Variants in KIN observed in about 807,000 individuals in gnomAD.
KIN encodes DNA/RNA-binding protein KIN17.
KIN carries 47 observed loss-of-function variants against 63.0 expected under a neutral mutation model. The observed-to-expected ratio is 0.75, with a 90% CI of 0.59 to 0.95. The LOEUF is 0.95. KIN is among the 40% of genes least tolerant of loss of function. The pLI is 0.00. For synonymous variants in KIN, 160 were observed against 157.7 expected (o/e 1.01, Z -0.11); for missense variants, 408 against 460.9 (o/e 0.89, Z 1.05).
At chr10:7,782,492 C>T (rs147812229) in intron 2 of KIN, among the ~76,000 whole-genome samples, 1 of 151,680 alleles carries the variant, frequency 6.6e-6, no homozygotes, top group South Asian at 2.1e-4. Flanking sequence ...TCTGCCTCCC[C>T]GGTTCAAGCA....
At chr10:7,781,750 CAAAA>C (rs34969604) in intron 2 of KIN, among the ~76,000 whole-genome samples, 2 of 67,996 alleles carry the variant, frequency 2.9e-5, no homozygotes, top group Non-Finnish European at 5.6e-5. Context: ...AAGACCCTGT[CAAAA>C]AAAAAAAAAA....
Position 7,758,258 on chromosome 10 carries a change from T to C in KIN, c.1119+1632A>G, listed in dbSNP as rs545881111. 1.7e-3 allele frequency among the ~76,000 whole-genome samples: 255 copies of C among 152,204 alleles called. 1 individual carries two copies. Among genetic ancestry groups the C allele is most frequent in the African/African-American group, 5.9e-3 (245 of 41,528 alleles). ...CTAATTTTTGTATTTTTAGTGGAGA[T>C]GGGGTTTCTCCATGTTGGCCGGGCT... On this transcript the variant is annotated intron_variant, in intron 12 of 12. Transcript: ENST00000379562.
At chr10:7,767,453 C>T (rs1482863456) in intron 8 of KIN, among the ~76,000 whole-genome samples, 1 of 152,180 alleles carries the variant, frequency 6.6e-6, no homozygotes, top group Non-Finnish European at 1.5e-5. Context: ...CGGGGGCTTG[C>T]ACAATGTGCA....
intron 10 of KIN, 143 bp downstream of exon 10, chr10:7,763,580 C>T: frequency 1.6e-6 from 1 of 610,740 alleles, no homozygotes; most frequent in Non-Finnish European, 2.9e-6. Flanking sequence ...ATCATGAATT[C>T]AGCTTCCATT....
Position 7,780,311 on chromosome 10 carries a change from A to G in KIN, c.210-4T>C. ...TAGAAAGTCATTTCGGAATTCCCTA[A>G]TAAAGAAAGAAAGGAAAGCATTAAG... On this transcript the variant is annotated splice_region_variant and splice_polypyrimidine_tract_variant and intron_variant, in intron 2 of 12. Transcript: ENST00000379562. 1 of 1,600,324 alleles carries G rather than the reference A, an allele frequency of 6.2e-7. No homozygotes were observed.
intron 7 of KIN, among the ~76,000 whole-genome samples, chr10:7,769,828 G>A (rs936234978): frequency 3.9e-5 from 6 of 152,144 alleles, no homozygotes; most frequent in East Asian, 3.8e-4. Context: ...TCAAATGACC[G>A]GTTTAAGTCT....
chr10:7,763,943 A>C, intron 9 of KIN, 152 bp from the exon 10 acceptor site: 1 of 517,860 alleles, frequency 1.9e-6, no homozygotes, highest in Non-Finnish European at 3.4e-6. Context: ...CTTCCCAACA[A>C]TGACAAACAT....
In KIN at chr10:7,751,634, T is replaced by C. The variant is rs373401219; in HGVS notation, c.*4446A>G. ...CTTAGTTTTCTTCTTCTATAAGAAG[T>C]GCTCACCTATGATACCCTTTTGAAA... is the stretch of plus-strand genomic sequence containing the variant. On this transcript the variant is annotated 3_prime_UTR_variant, in exon 13 of 13. Coordinates refer to ENST00000379562, the MANE Select transcript of KIN (RefSeq NM_012311.4). 1.9e-4 allele frequency: 29 copies of C among 152,326 alleles called. No individual in the cohort carries two copies. Among genetic ancestry groups the C allele is most frequent in the African/African-American group, 6.0e-4 (25 of 41,574 alleles). 9.4% of individuals were successfully genotyped at this position (152,326 alleles called of 1,614,324 possible).
intron 7 of KIN, among the ~76,000 whole-genome samples, chr10:7,770,764 GA>G (rs1835650957): frequency 1.3e-5 from 2 of 151,952 alleles, no homozygotes; most frequent in African/African-American, 4.8e-5. Flanking sequence ...AGCTAACCAA[GA>G]AAAAAATATA....
At position 7,756,034 on chromosome 10, in the gene KIN, A is replaced by G. The variant is rs763277803; in HGVS notation, c.*46T>C. On this transcript the variant is annotated 3_prime_UTR_variant, in exon 13 of 13. Coordinates refer to ENST00000379562, the MANE Select transcript of KIN (RefSeq NM_012311.4). ...TCTCATAATGCCTTGGCGAACACCA[A>G]TTTGATGCTTTAAGATTTTAATGTA... 4 of 1,196,420 alleles carry G rather than the reference A, an allele frequency of 3.3e-6. No individual in the cohort carries two copies. Among genetic ancestry groups the G allele is most frequent in the Non-Finnish European group, 3.7e-6 (3 of 820,026 alleles). The allele number at this position is 1,196,420 out of a possible 1,614,324, so 74.1% of individuals were successfully genotyped here.
chr10:7,781,119 TGAA>T lies in KIN; in HGVS notation c.210-815_210-813del, dbSNP rs574284152. Among the ~76,000 whole-genome samples, 7 of 152,244 alleles carry T rather than the reference TGAA, an allele frequency of 4.6e-5. No homozygotes were observed. The South Asian group carries it at 1.2e-3, about 27-fold the overall frequency. On this transcript the variant is annotated intron_variant, in intron 2 of 12. Transcript: ENST00000379562. Reference sequence around the variant, plus strand: ...TAACCAATCATAACAAAAGTTAAACTGAAGAAGAAGTGTAACAAAATACCATTG... The same window carrying T: ...TAACCAATCATAACAAAAGTTAAACTGAAGAAGTGTAACAAAATACCATTG...
chr10:7,762,624 CAAATG>C lies in KIN; in HGVS notation c.919-73_919-69del, dbSNP rs145292600. On this transcript the variant is annotated intron_variant, in intron 10 of 12. Coordinates refer to ENST00000379562, the MANE Select transcript of KIN (RefSeq NM_012311.4). ...GCACACTCATTTAAAAGGTCAAAAG[CAAATG>C]AAATGAAGACAAATAAAATATCAAT... The C allele has an allele frequency of 6.3e-3, 4,933 of 777,706 alleles. 141 individuals carry two copies. Among genetic ancestry groups the C allele is most frequent in the African/African-American group, 0.063 (3,559 of 56,550 alleles). The allele number at this position is 777,706 out of a possible 1,614,324, so 48.2% of individuals were successfully genotyped here.
Position 7,769,364 on chromosome 10 carries a change from A to G in KIN, c.669-19T>C. 2 of 1,604,854 alleles carry G rather than the reference A, an allele frequency of 1.2e-6. No individual in the cohort carries two copies. Among genetic ancestry groups the G allele is most frequent in the Non-Finnish European group, 1.7e-6 (2 of 1,177,274 alleles). ...CAGAGTACTGATGAACAGGAGAACC[A>G]TGCTTGTTACCAAGAACCATACACA... On this transcript the variant is annotated intron_variant, in intron 7 of 12. Coordinates refer to ENST00000379562, the MANE Select transcript of KIN (RefSeq NM_012311.4).
chr10:7,780,925 G>A (rs1835882873), intron 2 of KIN, among the ~76,000 whole-genome samples: 1 of 152,230 alleles, frequency 6.6e-6, no homozygotes, highest in South Asian at 2.1e-4. Context: ...TAGTGCCACT[G>A]ATGGTGGCAT....
chr10:7,782,982 TAAGA>T, intron 2 of KIN, 95 bp downstream of exon 2: 1 of 507,416 alleles, frequency 2.0e-6, no homozygotes. Context: ...AGTTAACATA[TAAGA>T]AATAATAGAA....
rs1401740653 is a variant in KIN at position 7,752,424 on chromosome 10, C to T, written c.*3656G>A. 1.3e-5 allele frequency: 2 copies of T among 152,218 alleles called. No homozygotes were observed. Among genetic ancestry groups the T allele is most frequent in the African/African-American group, 2.4e-5 (1 of 41,458 alleles). 9.4% of individuals were successfully genotyped at this position (152,218 alleles called of 1,614,324 possible). On this transcript the variant is annotated 3_prime_UTR_variant, in exon 13 of 13. Transcript: ENST00000379562. ...CCAAAATCCAGAACACTGACAACAT[C>T]AAATGCTGACGGAGATGCAGAGCAG... is the stretch of plus-strand genomic sequence containing the variant.
chr10:7,755,937 G>GAGC lies in KIN; in HGVS notation c.*142_*143insGCT. ...ATTAAATTCTTCTCAAAGTTTAGCT[G>GAGC]AACAACTATACAGTAATATTTTCAA... On this transcript the variant is annotated 3_prime_UTR_variant, in exon 13 of 13. Coordinates refer to ENST00000379562, the MANE Select transcript of KIN (RefSeq NM_012311.4). The GAGC allele has an allele frequency of 1.0e-5, 3 of 287,222 alleles. No individual in the cohort carries two copies. The highest frequency in any genetic ancestry group is 1.8e-5 in the Non-Finnish European group (3 of 166,548). 17.8% of individuals were successfully genotyped at this position (287,222 alleles called of 1,614,324 possible).
chr10:7,775,990 A>T (rs1337153604), intron 5 of KIN, among the ~76,000 whole-genome samples, 191 bp from the exon 6 acceptor site: 1 of 152,078 alleles, frequency 6.6e-6, no homozygotes, highest in East Asian at 1.9e-4. Context: ...GCACTTTGGG[A>T]GGCCGAGGCG....
At chr10:7,765,982 T>A (rs1835535509) in intron 9 of KIN, 71 bp downstream of exon 9, 2 of 1,092,382 alleles carry the variant, frequency 1.8e-6, no homozygotes, top group South Asian at 2.7e-5. Context: ...TAGTTACTTA[T>A]ACCAAATGCT....
Sources: allele counts gnomAD v4.1 joint callset (sites outside exome capture counted in the v4.1 genomes callset), GRCh38; gene constraint gnomAD v4.1.1; transcripts MANE v1.5; gene names NCBI Gene and HGNC (gene_info 2026-07-23, HGNC 2026-07-21).